Variants in ATP2B4 observed in about 807,000 individuals in gnomAD.
The protein encoded by ATP2B4 is ATPase plasma membrane Ca2+ transporting 4.
A neutral mutation model predicts 110.3 loss-of-function variants in ATP2B4; 39 were observed. That is an observed-to-expected ratio of 0.35 (90% CI 0.27 to 0.46). The LOEUF (loss-of-function observed/expected upper bound fraction) is 0.46, where lower values mean the gene tolerates loss of function less well. Ranked by LOEUF, ATP2B4 falls within the 20% of genes least tolerant of loss-of-function variation. The pLI is 1.00. For missense variants in ATP2B4, 1,135 were observed against 1,530.9 expected (o/e 0.74, Z 4.32); for synonymous variants, 538 against 571.7 (o/e 0.94, Z 0.84).
rs78168337 is a variant in ATP2B4 at position 203,693,197 on chromosome 1, A to T, written c.194-4960A>T. ...CCAGGCTGGACAAGTATTTGTGTGA[A>T]ATTACAGCTGCTGAGATCAGGGCCT... On this transcript the variant is annotated intron_variant, in intron 2 of 20. Coordinates refer to ENST00000357681, the MANE Select transcript of ATP2B4 (RefSeq NM_001684.5). 6.9e-3 allele frequency among the ~76,000 whole-genome samples: 1,050 copies of T among 152,302 alleles called. 5 individuals carry two copies. The highest frequency in any genetic ancestry group is 0.037 in the Middle Eastern group (11 of 294).
At chr1:203,679,446 G>A (rs920184436) in intron 1 of ATP2B4, among the ~76,000 whole-genome samples, 42 of 152,164 alleles carry the variant, frequency 2.8e-4, no homozygotes, top group African/African-American at 9.4e-4. Flanking sequence ...CTCTAGATAA[G>A]CCTGAGGCAA....
At chr1:203,668,663 C>T (rs1664576814) in intron 1 of ATP2B4, among the ~76,000 whole-genome samples, 2 of 152,202 alleles carry the variant, frequency 1.3e-5, no homozygotes, top group Non-Finnish European at 2.9e-5. Context: ...ACCCCAGTGA[C>T]ACAGATGGGT....
chr1:203,687,648 T>C (rs978482170), intron 2 of ATP2B4, among the ~76,000 whole-genome samples: 1 of 152,232 alleles, frequency 6.6e-6, no homozygotes, highest in Non-Finnish European at 1.5e-5. Flanking sequence ...TTAGTATAGA[T>C]TGACAGAATT....
chr1:203,699,358 T>C, intron 3 of ATP2B4, 102 bp from the exon 4 acceptor site: 1 of 1,494,820 alleles, frequency 6.7e-7, no homozygotes, highest in Non-Finnish European at 9.1e-7. Context: ...ATTATTCACT[T>C]TTCCTGACTT....
chr1:203,712,523 G>A (rs1355951222), intron 13 of ATP2B4, among the ~76,000 whole-genome samples: 8 of 151,812 alleles, frequency 5.3e-5, no homozygotes, highest in African/African-American at 1.2e-4. Context: ...CCTGGGAGGC[G>A]GAGGGTGCAG....
chr1:203,639,728 G>GA (rs1457746729), intron 1 of ATP2B4, among the ~76,000 whole-genome samples: 1 of 152,186 alleles, frequency 6.6e-6, no homozygotes, highest in Non-Finnish European at 1.5e-5. Flanking sequence ...TTATTCAGCC[G>GA]CTCGGTTGGC....
intron 20 of ATP2B4, among the ~76,000 whole-genome samples, chr1:203,732,645 G>GA (rs1315434004): frequency 6.6e-6 from 1 of 152,058 alleles, no homozygotes; most frequent in East Asian, 1.9e-4. Context: ...AATTGATTTA[G>GA]AGGTTCCTGA....
chr1:203,649,058 T>A, intron 1 of ATP2B4, among the ~76,000 whole-genome samples: 1 of 152,170 alleles, frequency 6.6e-6, no homozygotes, highest in East Asian at 1.9e-4. Flanking sequence ...GCTTTGTATA[T>A]CATGGAGTGC....
chr1:203,629,508 CTGAGCCCGGGGTCGCG>C lies in ATP2B4; in HGVS notation c.-465+2290_-465+2305del, dbSNP rs1173344976. Among the ~76,000 whole-genome samples, 1 of 152,184 alleles carries C rather than the reference CTGAGCCCGGGGTCGCG, an allele frequency of 6.6e-6. No homozygotes were observed. Among genetic ancestry groups the C allele is most frequent in the Non-Finnish European group, 1.5e-5 (1 of 68,020 alleles). On this transcript the variant is annotated intron_variant, in intron 1 of 20. Transcript: ENST00000357681. This position sits in a 1 kb window ranked among gnomAD's most constrained non-coding sequence, Gnocchi z 4.6. ...CGTTATTTAGCGCGCACCGGGTCGC[CTGAGCCCGGGGTCGCG>C]GCCAAAGGGGTAATCGGCTCCCGCA...
In ATP2B4 at chr1:203,702,936, C is replaced by A. The variant is rs935684331; in HGVS notation, c.938-716C>A. ...AGGTCTTTAACTCTTCTTTTAAAAG[C>A]AAAATGGATTTATATGTCTCTCTTT... On this transcript the variant is annotated intron_variant, in intron 7 of 20. Coordinates refer to ENST00000357681, the MANE Select transcript of ATP2B4 (RefSeq NM_001684.5). 2.0e-5 allele frequency among the ~76,000 whole-genome samples: 3 copies of A among 152,252 alleles called. No individual in the cohort carries two copies. In the East Asian group the frequency reaches 5.8e-4, roughly 29 times the overall value.
chr1:203,697,754 G>A (rs1214759527), intron 2 of ATP2B4, among the ~76,000 whole-genome samples: 1 of 152,096 alleles, frequency 6.6e-6, no homozygotes, highest in Non-Finnish European at 1.5e-5. Flanking sequence ...AGGCTGGAGT[G>A]CAATGACGTG....
intron 15 of ATP2B4, among the ~76,000 whole-genome samples, chr1:203,717,955 C>T (rs1332971126): frequency 2.6e-5 from 4 of 152,002 alleles, no homozygotes; most frequent in East Asian, 1.9e-4. Context: ...GAAACGGCCT[C>T]CCAACACTTT....
At chr1:203,733,414 T>C in intron 20 of ATP2B4, 1 of 1,599,984 alleles carries the variant, frequency 6.3e-7, no homozygotes, top group Non-Finnish European at 8.5e-7. Context: ...AGTGATAGTC[T>C]ATTATGATGC....
At chr1:203,675,544 A>G (rs1483752233) in intron 1 of ATP2B4, among the ~76,000 whole-genome samples, 1 of 152,194 alleles carries the variant, frequency 6.6e-6, no homozygotes, top group Non-Finnish European at 1.5e-5. Context: ...TAGTTTGACC[A>G]AAAAGCACCA....
intron 20 of ATP2B4, chr1:203,728,170 A>T (rs1019242593): frequency 2.1e-6 from 1 of 466,804 alleles, no homozygotes; most frequent in Middle Eastern, 3.3e-4. Flanking sequence ...CAGGATTCAG[A>T]CTTGCTTCCT....
rs567340474 is a variant in ATP2B4 at position 203,739,667 on chromosome 1, G to C, written c.3431G>C (p.Arg1144Pro). The change falls in exon 21 of 21, where the codon CGA becomes CCA. Residue 1144 changes from arginine to proline, a missense_variant. This residue lies in a region of ATP2B4 where 92 missense variants were observed against 82.5 expected (regional missense o/e 1.11). Coordinates refer to ENST00000357681, the MANE Select transcript of ATP2B4 (RefSeq NM_001684.5). Reference sequence around the variant, plus strand: ...TTCGCCATAGAGGAGGAGTTGCCACGAACACCACTCCTGGATGAGGAAGAG... The same window carrying C: ...TTCGCCATAGAGGAGGAGTTGCCACCAACACCACTCCTGGATGAGGAAGAG... The part of the protein sequence containing the change: ...PEFAIEEELP[R>P]TPLLDEEEEE... 101 of 1,614,088 alleles carry C rather than the reference G, an allele frequency of 6.3e-5. No individual in the cohort carries two copies. In the South Asian group the frequency reaches 1.0e-3, roughly 16 times the overall value.
chr1:203,658,454 C>T (rs1165820734), intron 1 of ATP2B4, among the ~76,000 whole-genome samples: 1 of 151,278 alleles, frequency 6.6e-6, no homozygotes, highest in Non-Finnish European at 1.5e-5. Flanking sequence ...TCACTTGAGC[C>T]CAGGAGATTC....
At chr1:203,649,830 G>A (rs1034771390) in intron 1 of ATP2B4, among the ~76,000 whole-genome samples, 2 of 152,050 alleles carry the variant, frequency 1.3e-5, no homozygotes, top group Admixed American at 6.6e-5. Context: ...TTACAGACCA[G>A]AAAAATTGAG....
At chr1:203,664,373 C>T (rs925220553) in intron 1 of ATP2B4, among the ~76,000 whole-genome samples, 5 of 152,194 alleles carry the variant, frequency 3.3e-5, no homozygotes, top group African/African-American at 1.2e-4. Context: ...CGGGGAGGCT[C>T]TGACAGAGGG....
Sources: gnomAD v4.1 joint callset for allele counts (sites outside exome capture counted in the v4.1 genomes callset) on GRCh38, gnomAD v4.1.1 for gene constraint, gnomAD v4.1.1 regional missense constraint, Gnocchi (gnomAD v3.1) non-coding constraint, MANE v1.5 for transcripts, NCBI Gene and HGNC (gene_info 2026-07-23, HGNC 2026-07-21) for gene names.